The following TBXT variants were observed in gnomAD, a reference collection of about 807,000 sequenced individuals.
TBXT encodes the protein T brachyury transcription factor.
A neutral mutation model predicts 41.1 loss-of-function variants in TBXT; 19 were observed. The ratio of observed to expected loss-of-function variants is 0.46; its 90% CI spans 0.32 to 0.68. The LOEUF (loss-of-function observed/expected upper bound fraction) is 0.68. TBXT is among the 30% of genes least tolerant of loss of function. The pLI is 0.03. For synonymous variants in TBXT, 213 were observed against 238.9 expected (o/e 0.89, Z 1.00); for missense variants, 536 against 582.0 (o/e 0.92, Z 0.81).
chr6:166,165,109 C>T (rs1779071588), intron 3 of TBXT, among the ~76,000 whole-genome samples: 1 of 152,164 alleles, frequency 6.6e-6, no homozygotes, highest in Admixed American at 6.5e-5. Flanking sequence ...CTACTACTAA[C>T]AATGTTCCAT....
chr6:166,161,386 T>C (rs1778950872), intron 6 of TBXT, among the ~76,000 whole-genome samples: 3 of 152,212 alleles, frequency 2.0e-5, no homozygotes, highest in Admixed American at 2.0e-4. Context: ...TGCCTCAGAG[T>C]CTAGCCTCTG....
Position 166,166,822 on chromosome 6 carries a change from C to A in TBXT, c.241G>T (p.Gly81Cys), listed in dbSNP as rs1225373143. 6.2e-7 allele frequency: 1 copy of A among 1,613,738 alleles called. No homozygotes were observed. Among genetic ancestry groups the A allele is most frequent in the Admixed American group, 1.7e-5 (1 of 60,014 alleles). ...GAGTACATGGCGTTGGGGTCCAGGC[C>A]AGACACGTTCACCTTCAGCACCGGA... Reference protein sequence around the residue: ...MFPVLKVNVSGLDPNAMYSFL... With the variant: ...MFPVLKVNVSCLDPNAMYSFL... Residue 81 changes from glycine (G) to cysteine (C), a missense_variant, in exon 2 of 8, where the codon GGC (glycine) becomes TGC (cysteine). Coordinates refer to ENST00000366876, the MANE Select transcript of TBXT (RefSeq NM_001366285.2).
intron 3 of TBXT, 138 bp downstream of exon 3, chr6:166,165,568 C>A (rs536233913): frequency 3.0e-6 from 4 of 1,353,520 alleles, no homozygotes; most frequent in Non-Finnish European, 4.2e-6. Context: ...ATTTCAAGTT[C>A]CGGAATATTA....
Position 166,158,325 on chromosome 6 carries a change from G to T in TBXT, c.1301C>A (p.Pro434His). 9 of 1,614,278 alleles carry T rather than the reference G, an allele frequency of 5.6e-6. No individual in the cohort carries two copies. Among genetic ancestry groups the T allele is most frequent in the Non-Finnish European group, 7.6e-6 (9 of 1,180,048 alleles). ...LIASWTPVSP[P>H]SM The stretch of plus-strand genomic sequence containing the variant: ...CTGGGCCTTGCTGCTTCACATGGAA[G>T]GTGGCGACACAGGTGTCCATGAGGC... The change falls in exon 8 of 8, where the codon CCT (proline) becomes CAT (histidine). Residue 434 changes from proline to histidine, a missense_variant. Transcript: ENST00000366876.
At chr6:166,167,895 G>C (rs9348090), upstream of TBXT, 51,637 of 483,768 alleles carry the variant, frequency 0.11, 4,094 homozygotes, top group East Asian at 0.39. Flanking sequence ...GAGCCGCGGC[G>C]GCAGCGCTGG....
chr6:166,166,549 C>T (rs1244189735), intron 2 of TBXT, 43 bp downstream of exon 2: 1 of 1,612,554 alleles, frequency 6.2e-7, no homozygotes, highest in South Asian at 1.1e-5. Context: ...CAGCGCGGCC[C>T]CCTCCTCGCT....
rs771064715 is a variant in TBXT at position 166,158,392 on chromosome 6, C to T, written c.1234G>A (p.Val412Met). The T allele has an allele frequency of 1.2e-5, 20 of 1,614,096 alleles. No individual in the cohort carries two copies. Among genetic ancestry groups the T allele is most frequent in the Middle Eastern group, 3.3e-4 (2 of 6,084 alleles). The change falls in exon 8 of 8, where the codon GTG becomes ATG. Residue 412 changes from valine (V) to methionine (M), a missense_variant. By Grantham distance (21) the Val-to-Met change is conservative. Coordinates refer to ENST00000366876, the MANE Select transcript of TBXT (RefSeq NM_001366285.2). Reference protein sequence around the residue: ...YEGAAAATDIVDSQYDAAAQG... With the variant: ...YEGAAAATDIMDSQYDAAAQG... Reference sequence around the variant, plus strand: ...GCTGCGGCGTCGTACTGGCTGTCCACGATGTCTGTGGCCGCGGCCGCCCCT... The same window carrying T: ...GCTGCGGCGTCGTACTGGCTGTCCATGATGTCTGTGGCCGCGGCCGCCCCT...
At chr6:166,161,269 T>C (rs1230357473) in intron 6 of TBXT, among the ~76,000 whole-genome samples, 1 of 152,204 alleles carries the variant, frequency 6.6e-6, no homozygotes, top group Non-Finnish European at 1.5e-5. Context: ...GAATTACTTA[T>C]CTTTAAAAAT....
chr6:166,166,521 A>G lies in TBXT; in HGVS notation c.471+71T>C. The G allele has an allele frequency of 1.9e-6, 3 of 1,608,366 alleles. No individual in the cohort carries two copies. In the East Asian group the frequency reaches 6.7e-5, roughly 36 times the overall value. On this transcript the variant is annotated intron_variant, in intron 2 of 7. Coordinates refer to ENST00000366876, the MANE Select transcript of TBXT (RefSeq NM_001366285.2). ...CGTTCAAGCAGCGTCCCTTCCCACAACCCCCGTGCAGAAGGCGCAGCGCGG... is the reference window on the plus strand; with the variant it reads ...CGTTCAAGCAGCGTCCCTTCCCACAGCCCCCGTGCAGAAGGCGCAGCGCGG...
intron 3 of TBXT, 27 bp downstream of exon 3, chr6:166,165,679 A>G: frequency 3.1e-6 from 5 of 1,613,304 alleles, no homozygotes; most frequent in Non-Finnish European, 4.2e-6. Flanking sequence ...GCACACCGGG[A>G]AAGCGATCCG....
chr6:166,167,226 G>A (rs761364206), intron 1 of TBXT, among the ~76,000 whole-genome samples, 160 bp downstream of exon 1: 1 of 152,244 alleles, frequency 6.6e-6, no homozygotes, highest in Non-Finnish European at 1.5e-5. Context: ...CCAGAAGAGG[G>A]GCTTGTAGAA....
intron 1 of TBXT, 106 bp from the exon 2 acceptor site, chr6:166,166,962 C>A: frequency 6.3e-7 from 1 of 1,578,406 alleles, no homozygotes; most frequent in Non-Finnish European, 8.6e-7. Flanking sequence ...CAGAGGAGCC[C>A]CCTGGGGAAC....
Position 166,165,815 on chromosome 6 carries a change from T to C in TBXT, c.497A>G (p.Tyr166Cys). 6.2e-7 allele frequency: 1 copy of C among 1,614,200 alleles called. No individual in the cohort carries two copies. The highest frequency in any genetic ancestry group is 8.5e-7 in the Non-Finnish European group (1 of 1,180,030). The change falls in exon 3 of 8, where the codon TAT becomes TGT. Residue 166 changes from tyrosine (Y) to cysteine (C), a missense_variant. Transcript: ENST00000366876. Reference protein sequence around the residue: ...GQIMLNSLHKYEPRIHIVRVG... With the variant: ...GQIMLNSLHKCEPRIHIVRVG... The stretch of plus-strand genomic sequence containing the variant: ...TCTCACTATGTGGATTCGAGGCTCA[T>C]ACTTATGCAAGGAGTTCAGCATGAT...
At chr6:166,161,101 A>G (rs1275267510) in intron 6 of TBXT, 135 bp from the exon 7 acceptor site, 3 of 1,184,284 alleles carry the variant, frequency 2.5e-6, no homozygotes, top group South Asian at 1.3e-5. Context: ...ACTGTAGAAA[A>G]CAATCCATTA....
rs1389449092 is a variant in TBXT, at chr6:166,157,751, A to C, written c.*564T>G. The stretch of plus-strand genomic sequence containing the variant: ...AAATATGAAACAGTTATAGTTTAAC[A>C]ACACAAGAGATTAGCTACATATGCT... On this transcript the variant is annotated 3_prime_UTR_variant, in exon 8 of 8. Coordinates refer to ENST00000366876, the MANE Select transcript of TBXT (RefSeq NM_001366285.2). The C allele has an allele frequency of 1.3e-5, 2 of 155,040 alleles. No homozygotes were observed. Among genetic ancestry groups the C allele is most frequent in the Non-Finnish European group, 1.4e-5 (1 of 69,576 alleles). The allele number at this position is 155,040 out of a possible 1,614,324, so 9.6% of individuals were successfully genotyped here.
At chr6:166,168,227 A>G (rs1231650542), upstream of TBXT, 1 of 136,976 alleles carries the variant, frequency 7.3e-6, no homozygotes, top group South Asian at 2.7e-4. Context: ...GCTGCCCGGC[A>G]GCCTGCGATG....
In TBXT at chr6:166,167,363, G is replaced by T. The variant is rs1193058405; in HGVS notation, c.206+23C>A. ...CCAGGCGCTGGAGAGCGCGGCGCGCGCGGGCTCCGGACGCGCACCCACCTG... is the reference window on the plus strand; with the variant it reads ...CCAGGCGCTGGAGAGCGCGGCGCGCTCGGGCTCCGGACGCGCACCCACCTG... On this transcript the variant is annotated intron_variant, in intron 1 of 7. Coordinates refer to ENST00000366876, the MANE Select transcript of TBXT (RefSeq NM_001366285.2). The T allele has an allele frequency of 3.1e-6, 5 of 1,611,090 alleles. No homozygotes were observed. In the Admixed American group the frequency reaches 6.7e-5, roughly 22 times the overall value.
At chr6:166,160,699 A>C in intron 7 of TBXT, 138 bp downstream of exon 7, 4 of 1,250,278 alleles carry the variant, frequency 3.2e-6, no homozygotes, top group Middle Eastern at 2.4e-4. Context: ...GCTGGCTAAT[A>C]AAGAATTCTA....
intron 7 of TBXT, 138 bp from the exon 8 acceptor site, chr6:166,158,726 C>T (rs1423082373): frequency 4.7e-6 from 5 of 1,061,830 alleles, no homozygotes; most frequent in Non-Finnish European, 5.2e-6. Flanking sequence ...GTCATTTTCT[C>T]CAAATTATTA....
Sources: allele counts gnomAD v4.1 joint callset (sites outside exome capture counted in the v4.1 genomes callset), GRCh38; gene constraint gnomAD v4.1.1; transcripts MANE v1.5; gene names NCBI Gene and HGNC (gene_info 2026-07-23, HGNC 2026-07-21).